Variants in MAD1L1 observed in about 807,000 individuals in gnomAD.
The protein encoded by MAD1L1 is mitotic arrest deficient 1 like 1.
MAD1L1 carries 95 observed loss-of-function variants against 96.9 expected under a neutral mutation model. The observed-to-expected ratio is 0.98, with a 90% confidence interval of 0.83 to 1.16. MAD1L1 has a LOEUF of 1.16. Among genes scored for constraint, MAD1L1 ranks in the 50% most tolerant of loss-of-function variants. The pLI is 0.00. For missense variants in MAD1L1, 1,007 were observed against 954.4 expected (o/e 1.06, Z -0.73); for synonymous variants, 473 against 396.6 (o/e 1.19, Z -2.29).
At position 1,968,312 on chromosome 7, in the gene MAD1L1, A is replaced by G. The variant is rs1352885359; in HGVS notation, c.1506-10593T>C. Among the ~76,000 whole-genome samples the G allele has an allele frequency of 6.7e-6, 1 of 148,536 alleles. No individual in the cohort carries two copies. The highest frequency in any genetic ancestry group is 2.5e-5 in the African/African-American group (1 of 39,704). Reference sequence around the variant, plus strand: ...AGTCCAGCGGTCAGGTCCACTGTCAACGCCTCAGTCTGGTGGTCAGGTCAA... The same window carrying G: ...AGTCCAGCGGTCAGGTCCACTGTCAGCGCCTCAGTCTGGTGGTCAGGTCAA... On this transcript the variant is annotated intron_variant, in intron 15 of 18. Transcript: ENST00000265854. The surrounding 1 kb of genome is among the most constrained non-coding windows in gnomAD (Gnocchi z 5.6).
intron 13 of MAD1L1, among the ~76,000 whole-genome samples, chr7:2,011,164 C>T (rs536380825): frequency 1.3e-5 from 2 of 151,900 alleles, no homozygotes; most frequent in African/African-American, 4.8e-5. Context: ...GAAGAGGAGA[C>T]GGGCCCTTCA....
At chr7:1,834,855 C>T (rs567923985) in intron 18 of MAD1L1, among the ~76,000 whole-genome samples, 42 of 151,762 alleles carry the variant, frequency 2.8e-4, no homozygotes, top group Admixed American at 1.0e-3. Flanking sequence ...CATTACAAGC[C>T]GCACCCCCCC....
At chr7:2,022,961 T>C (rs1782849970) in intron 12 of MAD1L1, among the ~76,000 whole-genome samples, 1 of 152,166 alleles carries the variant, frequency 6.6e-6, no homozygotes, top group South Asian at 2.1e-4. Flanking sequence ...TCCATTCCGA[T>C]AAAAAGGTCA....
chr7:1,875,627 G>A (rs2128660096), intron 18 of MAD1L1, among the ~76,000 whole-genome samples: 1 of 152,352 alleles, frequency 6.6e-6, no homozygotes, highest in South Asian at 2.1e-4. Context: ...CAGCAAAAGA[G>A]AAGACGCCAC....
At chr7:1,892,320 G>A (rs541799492) in intron 18 of MAD1L1, among the ~76,000 whole-genome samples, 1 of 152,268 alleles carries the variant, frequency 6.6e-6, no homozygotes, top group South Asian at 2.1e-4. Context: ...CTGCCCACCA[G>A]CACGTTCCTC....
intron 18 of MAD1L1, among the ~76,000 whole-genome samples, chr7:1,844,530 A>T (rs1288292092): frequency 6.6e-6 from 1 of 152,078 alleles, no homozygotes; most frequent in Non-Finnish European, 1.5e-5. Context: ...GAGGCGGCCC[A>T]GGGAGAGGCG....
chr7:2,063,881 C>T (rs759856804), intron 12 of MAD1L1, among the ~76,000 whole-genome samples: 3 of 152,194 alleles, frequency 2.0e-5, no homozygotes, highest in Non-Finnish European at 2.9e-5. Context: ...CCTCAGCACA[C>T]ACAATCCTGC....
At chr7:2,137,975 A>G (rs940183325) in intron 11 of MAD1L1, among the ~76,000 whole-genome samples, 1 of 152,338 alleles carries the variant, frequency 6.6e-6, no homozygotes, top group Admixed American at 6.5e-5. Context: ...CACCAGCCAC[A>G]CGACACAGGC....
At chr7:2,096,717 G>A (rs1786509472) in intron 11 of MAD1L1, among the ~76,000 whole-genome samples, 2 of 152,098 alleles carry the variant, frequency 1.3e-5, no homozygotes, top group South Asian at 2.1e-4. Context: ...AGGCAAACTC[G>A]TCAACTCAGG....
chr7:2,227,837 A>G (rs1053225618), intron 3 of MAD1L1, among the ~76,000 whole-genome samples: 1 of 152,194 alleles, frequency 6.6e-6, no homozygotes, highest in Non-Finnish European at 1.5e-5. Flanking sequence ...ACCGGCAGGG[A>G]CCAGGAGTCC....
chr7:2,159,464 T>C (rs1296160136), intron 10 of MAD1L1, among the ~76,000 whole-genome samples: 1 of 152,228 alleles, frequency 6.6e-6, no homozygotes. Flanking sequence ...CCTGGTGCTC[T>C]CCTCCTTCAC....
intron 2 of MAD1L1, 155 bp downstream of exon 2, chr7:2,230,394 A>G (rs1794133349): frequency 2.5e-6 from 1 of 397,184 alleles, no homozygotes; most frequent in African/African-American, 2.0e-5. Flanking sequence ...TCAGTTGCAC[A>G]TGGACAGATG....
intron 12 of MAD1L1, among the ~76,000 whole-genome samples, chr7:2,064,532 G>A (rs768239348): frequency 6.6e-6 from 1 of 152,212 alleles, no homozygotes; most frequent in South Asian, 2.1e-4. Flanking sequence ...CAGCTTCTCC[G>A]AAGAGGACAG....
chr7:1,886,950 G>A (rs933880277), intron 18 of MAD1L1, among the ~76,000 whole-genome samples: 3 of 152,386 alleles, frequency 2.0e-5, no homozygotes, highest in South Asian at 2.1e-4. Flanking sequence ...GTCCTGCCCC[G>A]CAGGTTCCTG....
intron 12 of MAD1L1, among the ~76,000 whole-genome samples, chr7:2,031,378 C>T (rs144239111): frequency 0.02 from 3,021 of 152,318 alleles, 41 homozygotes; most frequent in Non-Finnish European, 0.03. Flanking sequence ...GTTCTGGGCT[C>T]CCCACCAGCA....
At chr7:1,894,048 G>T (rs933671192) in intron 18 of MAD1L1, among the ~76,000 whole-genome samples, 1 of 152,206 alleles carries the variant, frequency 6.6e-6, no homozygotes. Context: ...CCATAAGCCA[G>T]GCCCTGAGCT....
At chr7:1,894,160 A>ACTGATG (rs527394732) in intron 18 of MAD1L1, among the ~76,000 whole-genome samples, 5 of 152,292 alleles carry the variant, frequency 3.3e-5, no homozygotes, top group African/African-American at 1.2e-4. Flanking sequence ...ATGGGGCAGG[A>ACTGATG]CTGATGCTGA....
At chr7:2,177,134 A>C (rs985286588) in intron 10 of MAD1L1, among the ~76,000 whole-genome samples, 2 of 152,234 alleles carry the variant, frequency 1.3e-5, no homozygotes, top group Non-Finnish European at 2.9e-5. Flanking sequence ...CTTATGAAAT[A>C]GTCTGGTCAA....
chr7:2,096,037 G>C (rs571727758), intron 11 of MAD1L1, among the ~76,000 whole-genome samples: 1 of 152,240 alleles, frequency 6.6e-6, no homozygotes, highest in Non-Finnish European at 1.5e-5. Context: ...GCCTGATCAG[G>C]ACTCAGTCAC....
Sources: allele counts gnomAD v4.1 joint callset (sites outside exome capture counted in the v4.1 genomes callset), GRCh38; gene constraint gnomAD v4.1.1; non-coding constraint Gnocchi (gnomAD v3.1); transcripts MANE v1.5; gene names NCBI Gene and HGNC (gene_info 2026-07-23, HGNC 2026-07-21).